The following TESK2 variants were observed in gnomAD, a reference collection of about 807,000 sequenced individuals.
TESK2 encodes the protein testis associated actin remodelling kinase 2.
Under a neutral mutation model 57.1 loss-of-function variants are expected in TESK2, and 39 were observed. The ratio of observed to expected loss-of-function variants is 0.68; its 90% CI spans 0.53 to 0.89. The LOEUF is 0.89. Ranked by LOEUF, TESK2 falls within the 40% of genes least tolerant of loss-of-function variation. The pLI is 0.00. For missense variants in TESK2, 646 were observed against 732.1 expected, an observed-to-expected ratio of 0.88 and a Z score of 1.36; for synonymous variants, 249 against 267.9, an observed-to-expected ratio of 0.93 and a Z score of 0.69.
At chr1:45,466,131 C>T (rs1035708588) in intron 1 of TESK2, among the ~76,000 whole-genome samples, 8 of 152,024 alleles carry the variant, frequency 5.3e-5, no homozygotes, top group Non-Finnish European at 1.2e-4. Context: ...AGCTTGAGCC[C>T]AGGAGTTCGA....
intron 4 of TESK2, among the ~76,000 whole-genome samples, chr1:45,361,438 C>A (rs1185562443): frequency 6.6e-6 from 1 of 152,158 alleles, no homozygotes; most frequent in African/African-American, 2.4e-5. Flanking sequence ...ATAATACAGT[C>A]AATAAAATGT....
chr1:45,447,227 A>T (rs957200286), intron 2 of TESK2, among the ~76,000 whole-genome samples: 3 of 152,222 alleles, frequency 2.0e-5, no homozygotes, highest in African/African-American at 4.8e-5. Context: ...AAAACAACAA[A>T]AAATGAAATT....
chr1:45,449,696 G>A (rs535904843), intron 2 of TESK2, among the ~76,000 whole-genome samples: 3 of 152,238 alleles, frequency 2.0e-5, no homozygotes, highest in South Asian at 2.1e-4. Flanking sequence ...ACGTACAAGT[G>A]CCTGGAAGTA....
rs369311958 is a variant in TESK2, at chr1:45,347,603, A to T, written c.708+6T>A. On this transcript the variant is annotated splice_donor_region_variant and intron_variant, in intron 7 of 10. Coordinates refer to ENST00000372086, the MANE Select transcript of TESK2 (RefSeq NM_007170.3). ...AGAATCAGGCCTTGAGATCCTCCAA[A>T]CTTACCTTTTCATTATAGGGCTCAT... The T allele has an allele frequency of 6.2e-7, 1 of 1,613,228 alleles. No individual in the cohort carries two copies. The highest frequency in any genetic ancestry group is 8.5e-7 in the Non-Finnish European group (1 of 1,179,564).
chr1:45,451,408 G>A lies in TESK2; in HGVS notation c.222+6156C>T, dbSNP rs907832355. 2.6e-5 allele frequency among the ~76,000 whole-genome samples: 4 copies of A among 152,338 alleles called. No individual in the cohort carries two copies. In the East Asian group the frequency reaches 7.7e-4, roughly 29 times the overall value. ...CATTTTTCAGGGATAAAGTTAAGCA[G>A]AAGTATGTAGTAAATATGAGTGCAA... On this transcript the variant is annotated intron_variant, in intron 2 of 10. Coordinates refer to ENST00000372086, the MANE Select transcript of TESK2 (RefSeq NM_007170.3).
chr1:45,479,084 T>C (rs1175089909), intron 1 of TESK2, among the ~76,000 whole-genome samples: 1 of 152,090 alleles, frequency 6.6e-6, no homozygotes, highest in Non-Finnish European at 1.5e-5. Flanking sequence ...TCCTTTAAAA[T>C]CTCTATTTTC....
rs778652066 is a variant in TESK2 at position 45,345,057 on chromosome 1, C to T, written c.1499G>A (p.Arg500Gln). Residue 500 changes from arginine to glutamine, a missense_variant, in exon 11 of 11, where the codon CGG becomes CAG. Arg to Gln is a conservative substitution (Grantham distance 43). Coordinates refer to ENST00000372086, the MANE Select transcript of TESK2 (RefSeq NM_007170.3). Reference sequence around the variant, plus strand: ...TTGAGCAGCTGGTAGGGCAGATGCCCGGAATGGTGGGATCTCTTTAACTCT... The same window carrying T: ...TTGAGCAGCTGGTAGGGCAGATGCCTGGAATGGTGGGATCTCTTTAACTCT... ...KYRVKEIPPF[R>Q]ASALPAAQAH... 7.4e-6 allele frequency: 12 copies of T among 1,614,066 alleles called. No individual in the cohort carries two copies. Among genetic ancestry groups the T allele is most frequent in the East Asian group, 4.5e-5 (2 of 44,892 alleles).
chr1:45,467,993 A>G (rs1420242535), intron 1 of TESK2, among the ~76,000 whole-genome samples: 3 of 151,872 alleles, frequency 2.0e-5, no homozygotes, highest in East Asian at 3.9e-4. Flanking sequence ...TGGGCAACAT[A>G]GTGAAATCCC....
At chr1:45,432,850 G>A (rs535657463) in intron 2 of TESK2, among the ~76,000 whole-genome samples, 92 of 118,500 alleles carry the variant, frequency 7.8e-4, no homozygotes, top group African/African-American at 2.8e-3. Flanking sequence ...TGCAATCTCC[G>A]CCTCCCAGGT....
At chr1:45,480,457 C>CT (rs1193898022) in intron 1 of TESK2, among the ~76,000 whole-genome samples, 2 of 137,962 alleles carry the variant, frequency 1.4e-5, no homozygotes, top group African/African-American at 5.8e-5. Flanking sequence ...AACTCAGTCT[C>CT]CAAAAAAAAA....
At position 45,402,233 on chromosome 1, in the gene TESK2, A is replaced by T. The variant is rs185616795; in HGVS notation, c.345-16273T>A. Among the ~76,000 whole-genome samples the T allele has an allele frequency of 1.1e-3, 163 of 151,674 alleles. 1 individual carries two copies. In the South Asian group the frequency reaches 0.013, roughly 12 times the overall value. On this transcript the variant is annotated intron_variant, in intron 3 of 10. Coordinates refer to ENST00000372086, the MANE Select transcript of TESK2 (RefSeq NM_007170.3). ...AGTGAGACCCTGTCTCTAAAAAAAT[A>T]AAAAAATTAAATTAGCCAGGCATGG...
At chr1:45,402,980 TCAC>T (rs1649689657) in intron 3 of TESK2, among the ~76,000 whole-genome samples, 1 of 149,098 alleles carries the variant, frequency 6.7e-6, no homozygotes, top group African/African-American at 2.5e-5. Flanking sequence ...AAAAAAAAAA[TCAC>T]CAATAACAAC....
intron 1 of TESK2, among the ~76,000 whole-genome samples, chr1:45,466,725 G>A (rs1218860231): frequency 6.7e-6 from 1 of 150,262 alleles, no homozygotes; most frequent in Middle Eastern, 3.2e-3. Flanking sequence ...TGAATGCTAT[G>A]ACATCTACAG....
At chr1:45,449,855 A>G (rs1651802117) in intron 2 of TESK2, among the ~76,000 whole-genome samples, 1 of 152,148 alleles carries the variant, frequency 6.6e-6, no homozygotes, top group African/African-American at 2.4e-5. Flanking sequence ...CAGATAGTTA[A>G]TTGTCTAAAT....
chr1:45,392,652 G>A (rs1649194911), intron 3 of TESK2, among the ~76,000 whole-genome samples: 1 of 151,842 alleles, frequency 6.6e-6, no homozygotes. Context: ...GGTGAGCCGA[G>A]AGCGCACCAT....
intron 4 of TESK2, among the ~76,000 whole-genome samples, chr1:45,369,442 G>A (rs923279490): frequency 2.0e-5 from 3 of 152,008 alleles, no homozygotes; most frequent in South Asian, 2.1e-4. Context: ...GCAGTTAGCC[G>A]AGATTGCACC....
intron 1 of TESK2, among the ~76,000 whole-genome samples, chr1:45,485,251 C>G (rs1653415648): frequency 6.8e-6 from 1 of 147,214 alleles, no homozygotes; most frequent in South Asian, 2.2e-4. Flanking sequence ...TGCAGTGGCG[C>G]GATCTCGGCT....
At chr1:45,467,862 C>G (rs1652616132) in intron 1 of TESK2, among the ~76,000 whole-genome samples, 1 of 151,976 alleles carries the variant, frequency 6.6e-6, no homozygotes, top group Non-Finnish European at 1.5e-5. Context: ...GATGGCCTAA[C>G]TTATTTAAGT....
chr1:45,422,780 T>TTGTTGTTGTTGTTG (rs1234266587), intron 2 of TESK2, among the ~76,000 whole-genome samples: 3 of 10,254 alleles, frequency 2.9e-4, no homozygotes, highest in East Asian at 1.2e-3. Context: ...TGTTGTTGTT[T>TTGTTGTTGTTGTTG]TTGTTTTGAG....
Sources: allele counts gnomAD v4.1 joint callset (sites outside exome capture counted in the v4.1 genomes callset), GRCh38; gene constraint gnomAD v4.1.1; transcripts MANE v1.5; gene names NCBI Gene and HGNC (gene_info 2026-07-23, HGNC 2026-07-21).